The following PHYHIPL variants were observed in gnomAD, a reference collection of about 807,000 sequenced individuals.
The protein encoded by PHYHIPL is phytanoyl-CoA 2-hydroxylase interacting protein like.
In PHYHIPL, 9 loss-of-function variants were observed where a neutral mutation model predicts 33.4. The ratio of observed to expected loss-of-function variants is 0.27; its 90% CI spans 0.16 to 0.47. The LOEUF is 0.47. Among genes scored for constraint, PHYHIPL ranks in the 20% least tolerant of loss-of-function variants. PHYHIPL has a pLI of 0.99. For synonymous variants in PHYHIPL, 153 were observed against 154.1 expected (o/e 0.99, Z 0.05); for missense variants, 365 against 460.7 (o/e 0.79, Z 1.90).
intron 1 of PHYHIPL, among the ~76,000 whole-genome samples, chr10:59,208,412 A>G (rs73296155): frequency 0.021 from 3,168 of 152,288 alleles, 119 homozygotes; most frequent in African/African-American, 0.073. Context: ...CAGAAACCTC[A>G]TCTGAAGGTC....
At chr10:59,214,549 T>G (rs1343207945) in intron 1 of PHYHIPL, among the ~76,000 whole-genome samples, 1 of 152,066 alleles carries the variant, frequency 6.6e-6, no homozygotes, top group Admixed American at 6.6e-5. Flanking sequence ...TATGTGTGTA[T>G]TGTGGGATTT....
intron 1 of PHYHIPL, among the ~76,000 whole-genome samples, chr10:59,202,545 G>A (rs1396194106): frequency 1.3e-5 from 2 of 152,114 alleles, no homozygotes; most frequent in African/African-American, 4.8e-5. Flanking sequence ...GTGTGTCTGT[G>A]CTTCCTTATT....
chr10:59,240,897 AAAT>A (rs2133298894), intron 4 of PHYHIPL, among the ~76,000 whole-genome samples: 1 of 152,224 alleles, frequency 6.6e-6, no homozygotes, highest in South Asian at 2.1e-4. Context: ...TTCCAAGAAT[AAAT>A]AAATAAAGAC....
intron 1 of PHYHIPL, among the ~76,000 whole-genome samples, chr10:59,195,043 GA>G (rs1380134195): frequency 6.6e-6 from 1 of 151,952 alleles, no homozygotes; most frequent in Non-Finnish European, 1.5e-5. Context: ...GAAAAGTGTG[GA>G]ATATAAGAAA....
chr10:59,223,524 C>G (rs1040438310), intron 1 of PHYHIPL, among the ~76,000 whole-genome samples: 1 of 152,016 alleles, frequency 6.6e-6, no homozygotes, highest in Admixed American at 6.6e-5. Context: ...AGTTGGATAT[C>G]CATAATTGTA....
At chr10:59,175,820 C>G (rs754738043), upstream of PHYHIPL, among the ~76,000 whole-genome samples, 16 of 152,186 alleles carry the variant, frequency 1.1e-4, no homozygotes, top group Non-Finnish European at 1.8e-4. Flanking sequence ...TCATTGACGC[C>G]CAGAACAATG....
intron 1 of PHYHIPL, among the ~76,000 whole-genome samples, chr10:59,182,404 G>A (rs1350802628): frequency 3.3e-5 from 5 of 151,976 alleles, no homozygotes; most frequent in African/African-American, 4.8e-5. Flanking sequence ...ATGCAGTGGC[G>A]CAGTCTTGGC....
At chr10:59,239,236 A>G (rs1021249020) in intron 4 of PHYHIPL, among the ~76,000 whole-genome samples, 9 of 152,142 alleles carry the variant, frequency 5.9e-5, no homozygotes, top group African/African-American at 1.9e-4. Flanking sequence ...AGTTTGTTGG[A>G]CTTACAGTTC....
chr10:59,239,324 C>G (rs943463426), intron 4 of PHYHIPL, among the ~76,000 whole-genome samples: 2 of 151,900 alleles, frequency 1.3e-5, no homozygotes, highest in Admixed American at 1.3e-4. Context: ...TAGCAACAGG[C>G]AAAAAGAGAG....
Position 59,224,265 on chromosome 10 carries a change from G to A in PHYHIPL, c.107-10039G>A, listed in dbSNP as rs181593282. Among the ~76,000 whole-genome samples the A allele has an allele frequency of 8.7e-4, 132 of 152,136 alleles. 3 individuals are homozygous for A. Among genetic ancestry groups the A allele is most frequent in the Non-Finnish European group, 1.3e-3 (91 of 67,984 alleles). On this transcript the variant is annotated intron_variant, in intron 1 of 4. Transcript: ENST00000373880. ...AATTCCTAAAGTCTAAAGTTAAATT[G>A]AATGAGCTTCTAAGAAAAATGTATG... is the stretch of plus-strand genomic sequence containing the variant.
chr10:59,206,744 T>C (rs1200906105), intron 1 of PHYHIPL: 1 of 1,209,562 alleles, frequency 8.3e-7, no homozygotes, highest in South Asian at 1.4e-5. Context: ...ATTTCTTTTT[T>C]ATTTTTTAGT....
chr10:59,193,264 AGCTCTGT>A (rs1403570538), intron 1 of PHYHIPL, among the ~76,000 whole-genome samples: 2 of 152,166 alleles, frequency 1.3e-5, no homozygotes, highest in Non-Finnish European at 2.9e-5. Flanking sequence ...AATTAACCTA[AGCTCTGT>A]GCTTGATAGA....
chr10:59,193,688 T>C (rs1444765230), intron 1 of PHYHIPL, among the ~76,000 whole-genome samples: 2 of 152,122 alleles, frequency 1.3e-5, no homozygotes, highest in South Asian at 2.1e-4. Flanking sequence ...TTTTAATAAA[T>C]ATGGTTTTTT....
chr10:59,186,679 A>G (rs1838615104), intron 1 of PHYHIPL, among the ~76,000 whole-genome samples: 1 of 152,138 alleles, frequency 6.6e-6, no homozygotes, highest in Non-Finnish European at 1.5e-5. Context: ...GGTCCTTCAC[A>G]TCCCTTGTAA....
In PHYHIPL at chr10:59,215,427, G is replaced by A. The variant is rs190252194; in HGVS notation, c.107-18877G>A. The stretch of plus-strand genomic sequence containing the variant: ...ACCAGATCTTCAAGTGGTATTTTTA[G>A]AAACATAGAAGTAATGTCCTATTTC... On this transcript the variant is annotated intron_variant, in intron 1 of 4. Transcript: ENST00000373880. 2.9e-3 allele frequency among the ~76,000 whole-genome samples: 436 copies of A among 152,122 alleles called. 1 individual carries two copies. The highest frequency in any genetic ancestry group is 5.0e-3 in the Non-Finnish European group (339 of 67,912).
chr10:59,224,834 T>C (rs1291502124), intron 1 of PHYHIPL, among the ~76,000 whole-genome samples: 1 of 152,104 alleles, frequency 6.6e-6, no homozygotes, highest in Non-Finnish European at 1.5e-5. Context: ...GTCTGTTGAA[T>C]GAAAAGATTG....
Position 59,239,768 on chromosome 10 carries a change from C to T in PHYHIPL, c.596+1063C>T, listed in dbSNP as rs146025211. The stretch of plus-strand genomic sequence containing the variant: ...TGTTTTGTGTTTTAAAAGCCTTAGT[C>T]TCACTAAGGCTTTTAAAATGGCAAA... On this transcript the variant is annotated intron_variant, in intron 4 of 4. Transcript: ENST00000373880. Among the ~76,000 whole-genome samples, 1,082 of 151,988 alleles carry T rather than the reference C, an allele frequency of 7.1e-3. 10 individuals carry two copies. Among genetic ancestry groups the T allele is most frequent in the South Asian group, 0.022 (105 of 4,818 alleles).
chr10:59,238,726 G>T, intron 4 of PHYHIPL, 21 bp downstream of exon 4: 2 of 1,460,724 alleles, frequency 1.4e-6, no homozygotes, highest in Middle Eastern at 1.9e-4. Context: ...AAAATATATA[G>T]TGATTTGTTT....
intron 4 of PHYHIPL, among the ~76,000 whole-genome samples, chr10:59,241,333 A>AAAT (rs1047527652): frequency 2.0e-5 from 3 of 149,910 alleles, no homozygotes; most frequent in African/African-American, 7.3e-5. Flanking sequence ...AAAACTGGAT[A>AAAT]AATACTTACT....
Sources: gnomAD v4.1 joint callset for allele counts (sites outside exome capture counted in the v4.1 genomes callset) on GRCh38, gnomAD v4.1.1 for gene constraint, MANE v1.5 for transcripts, NCBI Gene and HGNC (gene_info 2026-07-23, HGNC 2026-07-21) for gene names.